The following CCDC141 variants were observed in gnomAD, a reference collection of about 807,000 sequenced individuals.
CCDC141 encodes coiled-coil domain containing 141, also known as coiled-coil domain-containing protein 141.
A neutral mutation model predicts 181.0 loss-of-function variants in CCDC141; 168 were observed. The observed-to-expected ratio is 0.93, with a 90% CI of 0.82 to 1.05. CCDC141 has a LOEUF of 1.05. CCDC141 is among the 50% of genes least tolerant of loss of function. The pLI is 0.00. For synonymous variants in CCDC141, 666 were observed against 642.3 expected, an observed-to-expected ratio of 1.04 and a Z score of -0.56; for missense variants, 1,902 against 1,788.5, an observed-to-expected ratio of 1.06 and a Z score of -1.14.
chr2:178,923,135 C>T (rs1269289527), intron 6 of CCDC141, among the ~76,000 whole-genome samples: 7 of 144,682 alleles, frequency 4.8e-5, no homozygotes, highest in African/African-American at 7.7e-5. Flanking sequence ...GACGGAGTCT[C>T]GCTCTGTCGC....
At position 178,885,100 on chromosome 2, in the gene CCDC141, A is replaced by G; in HGVS notation, c.1528-8T>C. 6.5e-7 allele frequency: 1 copy of G among 1,543,382 alleles called. No homozygotes were observed. The highest frequency in any genetic ancestry group is 8.8e-7 in the Non-Finnish European group (1 of 1,141,928). On this transcript the variant is annotated splice_region_variant and splice_polypyrimidine_tract_variant and intron_variant, in intron 10 of 23. Transcript: ENST00000443758. ...TAATTCATGTGATGTCTCCTGTAAA[A>G]GCAAAGCACTGGAGGTCAGAAACTG...
intron 4 of CCDC141, among the ~76,000 whole-genome samples, chr2:178,967,135 C>T (rs574836993): frequency 5.9e-5 from 9 of 152,156 alleles, no homozygotes; most frequent in Admixed American, 1.3e-4. Context: ...GATTGGTATA[C>T]CTGAAAGTGA....
intron 2 of CCDC141, among the ~76,000 whole-genome samples, chr2:179,031,201 CTTGTT>C (rs1559060318): frequency 1.9e-5 from 2 of 104,956 alleles, no homozygotes; most frequent in Non-Finnish European, 5.0e-5. Flanking sequence ...ATTATTTTCA[CTTGTT>C]TTTTTTTTTC....
chr2:179,020,667 A>G (rs1174032185), intron 2 of CCDC141, among the ~76,000 whole-genome samples: 1 of 152,168 alleles, frequency 6.6e-6, no homozygotes, highest in African/African-American at 2.4e-5. Context: ...ACCTGTGAAA[A>G]TGAGTCCATA....
chr2:178,843,155 C>T (rs565107086), intron 22 of CCDC141, among the ~76,000 whole-genome samples: 22 of 152,278 alleles, frequency 1.4e-4, no homozygotes, highest in African/African-American at 5.1e-4. Context: ...CTTATGTATA[C>T]GCAATAGTTC....
intron 1 of CCDC141, among the ~76,000 whole-genome samples, 173 bp downstream of exon 1, chr2:179,049,667 G>A (rs2043615192): frequency 6.7e-6 from 1 of 148,982 alleles, no homozygotes; most frequent in South Asian, 2.1e-4. Flanking sequence ...TCTGGTAACT[G>A]CTGAAACTTG....
chr2:178,841,870 C>T (rs1053079553), intron 22 of CCDC141, among the ~76,000 whole-genome samples: 13 of 152,038 alleles, frequency 8.6e-5, no homozygotes, highest in Admixed American at 7.2e-4. Context: ...TGGCTTCAGG[C>T]GATCTACCCG....
chr2:178,908,569 C>A (rs1688084919), intron 7 of CCDC141, among the ~76,000 whole-genome samples: 1 of 152,066 alleles, frequency 6.6e-6, no homozygotes, highest in Non-Finnish European at 1.5e-5. Context: ...CTTAAATCAC[C>A]CTTAAAGTTT....
intron 2 of CCDC141, among the ~76,000 whole-genome samples, chr2:178,994,378 C>T (rs960100577): frequency 6.6e-6 from 1 of 152,208 alleles, no homozygotes; most frequent in East Asian, 1.9e-4. Flanking sequence ...CAGGTTTGCA[C>T]CTTCTGAAGC....
intron 21 of CCDC141, 53 bp downstream of exon 21, chr2:178,849,996 C>A: frequency 1.0e-6 from 1 of 982,720 alleles, no homozygotes; most frequent in Non-Finnish European, 1.6e-6. Context: ...ATTTGATTAA[C>A]ACATTTTTAT....
chr2:178,925,730 A>G (rs1200029189), intron 6 of CCDC141, among the ~76,000 whole-genome samples: 1 of 152,188 alleles, frequency 6.6e-6, no homozygotes, highest in Non-Finnish European at 1.5e-5. Flanking sequence ...TAAATTTAAT[A>G]AAAGTCTAGC....
At chr2:178,894,856 G>T (rs1383614932) in intron 8 of CCDC141, among the ~76,000 whole-genome samples, 1 of 152,140 alleles carries the variant, frequency 6.6e-6, no homozygotes, top group Non-Finnish European at 1.5e-5. Context: ...AAAGATACTT[G>T]CTGAAATTTT....
intron 6 of CCDC141, among the ~76,000 whole-genome samples, chr2:178,935,870 G>T (rs1033092385): frequency 2.0e-5 from 3 of 151,830 alleles, no homozygotes; most frequent in Non-Finnish European, 1.5e-5. Flanking sequence ...TTTTTTTCAT[G>T]TTTGTGGGCT....
chr2:179,007,036 C>T (rs995966351), intron 2 of CCDC141, among the ~76,000 whole-genome samples: 2 of 152,118 alleles, frequency 1.3e-5, no homozygotes, highest in Admixed American at 1.3e-4. Flanking sequence ...TTGCCATCCC[C>T]CTTGTCAATG....
Position 178,961,381 on chromosome 2 carries a change from G to A in CCDC141, c.629C>T (p.Thr210Ile), listed in dbSNP as rs779108968. The part of the protein sequence containing the change: ...CEGPNVNPEL[T>I]QGAHSSCLKV... ...CAGACAGCTGCTATGAGCTCCCTGA[G>A]TCAACTCAGGATTCACATTAGGTCC... is the stretch of plus-strand genomic sequence containing the variant. Residue 210 changes from threonine to isoleucine, a missense_variant, in exon 5 of 24, where the codon ACT becomes ATT. Transcript: ENST00000443758. 2 of 1,550,566 alleles carry A rather than the reference G, an allele frequency of 1.3e-6. No homozygotes were observed. Among genetic ancestry groups the A allele is most frequent in the South Asian group, 2.4e-5 (2 of 84,056 alleles).
chr2:179,022,132 T>G (rs2154385866), intron 2 of CCDC141, among the ~76,000 whole-genome samples: 1 of 152,274 alleles, frequency 6.6e-6, no homozygotes, highest in African/African-American at 2.4e-5. Context: ...TAATAGTAGT[T>G]TCTGCTGTTT....
At chr2:178,996,446 G>A (rs1405457320) in intron 2 of CCDC141, among the ~76,000 whole-genome samples, 1 of 152,128 alleles carries the variant, frequency 6.6e-6, no homozygotes, top group Non-Finnish European at 1.5e-5. Context: ...ATTCATTCTA[G>A]GGAAAACCAG....
rs141876507 is a variant in CCDC141, at chr2:178,850,783, A to C, written c.3245-622T>G. 4.8e-3 allele frequency among the ~76,000 whole-genome samples: 734 copies of C among 152,346 alleles called. 6 individuals are homozygous for C. Among genetic ancestry groups the C allele is most frequent in the Non-Finnish European group, 7.5e-3 (509 of 68,038 alleles). ...GGGTTTCTCTCTATATATTGTAATA[A>C]AAATAGCTACCATGTAGCACATGCT... On this transcript the variant is annotated intron_variant, in intron 20 of 23. Transcript: ENST00000443758.
intron 3 of CCDC141, among the ~76,000 whole-genome samples, chr2:178,977,446 T>C (rs1691169444): frequency 6.6e-6 from 1 of 152,176 alleles, no homozygotes; most frequent in African/African-American, 2.4e-5. Flanking sequence ...ATTTCAGCTG[T>C]TTCATTTCTT....
Sources: gnomAD v4.1 joint callset for allele counts (sites outside exome capture counted in the v4.1 genomes callset) on GRCh38, gnomAD v4.1.1 for gene constraint, MANE v1.5 for transcripts, NCBI Gene and HGNC (gene_info 2026-07-23, HGNC 2026-07-21) for gene names.